GRIK1: variants seen among roughly 807,000 people sequenced by gnomAD.
GRIK1 encodes glutamate ionotropic receptor kainate type subunit 1, also known as glutamate receptor ionotropic, kainate 1.
A neutral mutation model predicts 105.7 loss-of-function variants in GRIK1; 69 were observed. That is an observed-to-expected ratio of 0.65 (90% CI 0.54 to 0.80). The LOEUF (loss-of-function observed/expected upper bound fraction) is 0.80, where lower values mean the gene tolerates loss of function less well. Among genes scored for constraint, GRIK1 ranks in the 30% least tolerant of loss-of-function variants. The pLI is 0.00. For synonymous variants in GRIK1, 438 were observed against 431.3 expected, an observed-to-expected ratio of 1.02 and a Z score of -0.19; for missense variants, 1,109 against 1,167.3, an observed-to-expected ratio of 0.95 and a Z score of 0.73.
intron 3 of GRIK1, among the ~76,000 whole-genome samples, chr21:29,687,204 A>G (rs1266580572): frequency 6.6e-6 from 1 of 152,196 alleles, no homozygotes; most frequent in Non-Finnish European, 1.5e-5. Flanking sequence ...GTCCCGCGAC[A>G]TCTGTGTTGG....
At chr21:29,804,830 C>T (rs1409912841) in intron 1 of GRIK1, among the ~76,000 whole-genome samples, 1 of 152,128 alleles carries the variant, frequency 6.6e-6, no homozygotes, top group Non-Finnish European at 1.5e-5. Context: ...ATACTAATAG[C>T]AAACTTGTAT....
chr21:29,852,358 C>A (rs553003030), intron 1 of GRIK1, among the ~76,000 whole-genome samples: 10 of 152,262 alleles, frequency 6.6e-5, no homozygotes, highest in African/African-American at 2.4e-4. Context: ...GTTCCTCCTA[C>A]CAAGAAGGCC....
chr21:29,699,846 G>A (rs891585033), intron 1 of GRIK1, among the ~76,000 whole-genome samples: 6 of 151,804 alleles, frequency 4.0e-5, no homozygotes, highest in South Asian at 2.1e-4. Flanking sequence ...AGAGGGTTTC[G>A]GCATGTTGGT....
chr21:29,781,249 C>T (rs1044133478), intron 1 of GRIK1, among the ~76,000 whole-genome samples: 1 of 151,988 alleles, frequency 6.6e-6, no homozygotes, highest in African/African-American at 2.4e-5. Context: ...GCAACATGCT[C>T]CTTCCTTTTT....
intron 11 of GRIK1, 111 bp from the exon 12 acceptor site, chr21:29,587,700 T>C: frequency 1.6e-6 from 1 of 636,884 alleles, no homozygotes; most frequent in Non-Finnish European, 2.7e-6. Flanking sequence ...TTCTCATTCA[T>C]GAAGCTCCTG....
intron 12 of GRIK1, among the ~76,000 whole-genome samples, chr21:29,581,992 A>G (rs1400052935): frequency 6.6e-6 from 1 of 152,192 alleles, no homozygotes; most frequent in Non-Finnish European, 1.5e-5. Context: ...AAGAGGGGTG[A>G]CTTGCCTTCA....
At chr21:29,550,107 C>CAA (rs34939329) in intron 16 of GRIK1, among the ~76,000 whole-genome samples, 24,540 of 53,076 alleles carry the variant, frequency 0.46, 8,959 homozygotes, top group Non-Finnish European at 0.59. Context: ...GACTCCATCT[C>CAA]AAAAAAAAAA....
At chr21:29,554,497 C>T (rs2090198246) in intron 16 of GRIK1, among the ~76,000 whole-genome samples, 1 of 152,026 alleles carries the variant, frequency 6.6e-6, no homozygotes, top group Admixed American at 6.6e-5. Flanking sequence ...GTCTCATATA[C>T]ATTGCATTTT....
At chr21:29,665,874 C>G (rs1031319656) in intron 4 of GRIK1, among the ~76,000 whole-genome samples, 31 of 152,154 alleles carry the variant, frequency 2.0e-4, no homozygotes, top group Non-Finnish European at 8.8e-5. Flanking sequence ...TCATCTATGA[C>G]AAAGACTATT....
At chr21:29,776,308 C>T (rs1411408716) in intron 1 of GRIK1, among the ~76,000 whole-genome samples, 2 of 152,174 alleles carry the variant, frequency 1.3e-5, no homozygotes, top group African/African-American at 4.8e-5. Context: ...TCATAAGAAA[C>T]TGTAGCTGAA....
chr21:29,590,387 A>G (rs1379821599), intron 10 of GRIK1, among the ~76,000 whole-genome samples: 1 of 152,224 alleles, frequency 6.6e-6, no homozygotes, highest in Admixed American at 6.5e-5. Context: ...TCCCTGGAGA[A>G]AGGAAAAAGC....
intron 1 of GRIK1, among the ~76,000 whole-genome samples, chr21:29,727,508 G>A (rs1230698230): frequency 6.6e-6 from 1 of 152,146 alleles, no homozygotes; most frequent in East Asian, 1.9e-4. Flanking sequence ...AGTATCTGAG[G>A]AGAGGGCCAG....
intron 1 of GRIK1, among the ~76,000 whole-genome samples, chr21:29,779,275 TCAGA>T (rs1452385819): frequency 6.6e-6 from 1 of 152,190 alleles, no homozygotes; most frequent in African/African-American, 2.4e-5. Context: ...CTGTGATAAG[TCAGA>T]CAGAAAAACC....
intron 1 of GRIK1, among the ~76,000 whole-genome samples, chr21:29,769,888 G>T (rs2065771307): frequency 6.6e-6 from 1 of 152,278 alleles, no homozygotes; most frequent in South Asian, 2.1e-4. Context: ...AGCCACCCAG[G>T]TTATGGTACT....
At chr21:29,704,490 G>A (rs147925223) in intron 1 of GRIK1, among the ~76,000 whole-genome samples, 1 of 152,292 alleles carries the variant, frequency 6.6e-6, no homozygotes, top group East Asian at 1.9e-4. Context: ...TGAAGATCAG[G>A]ACAGATGTTT....
At chr21:29,591,017 A>T in intron 10 of GRIK1, 95 bp downstream of exon 10, 1 of 778,532 alleles carries the variant, frequency 1.3e-6, no homozygotes, top group Non-Finnish European at 2.4e-6. Context: ...ATTTGCAGAC[A>T]GAAGCGTTGG....
intron 1 of GRIK1, among the ~76,000 whole-genome samples, chr21:29,932,644 G>T (rs987821032): frequency 2.8e-4 from 42 of 151,902 alleles, no homozygotes; most frequent in African/African-American, 9.2e-4. Context: ...AATAAGTAGG[G>T]AGTTTCCAAT....
intron 2 of GRIK1, 34 bp from the exon 3 acceptor site, chr21:29,690,019 GA>G: frequency 1.4e-6 from 2 of 1,444,930 alleles, no homozygotes; most frequent in Non-Finnish European, 1.9e-6. Flanking sequence ...GATGGGGAGG[GA>G]GGGCAGGGAA....
At chr21:29,672,386 T>G (rs988459304) in intron 4 of GRIK1, among the ~76,000 whole-genome samples, 1 of 152,216 alleles carries the variant, frequency 6.6e-6, no homozygotes, top group Admixed American at 6.5e-5. Flanking sequence ...ATTATTCTTT[T>G]TTTTTGAACA....
Sources: gnomAD v4.1 joint callset for allele counts (sites outside exome capture counted in the v4.1 genomes callset) on GRCh38, gnomAD v4.1.1 for gene constraint, MANE v1.5 for transcripts, NCBI Gene and HGNC (gene_info 2026-07-23, HGNC 2026-07-21) for gene names.